The following CCBE1 variants were observed in gnomAD, a reference collection of about 807,000 sequenced individuals.
The protein encoded by CCBE1 is collagen and calcium binding EGF domains 1.
CCBE1 carries 37 observed loss-of-function variants against 50.0 expected under a neutral mutation model. The observed-to-expected ratio is 0.74, with a 90% CI of 0.57 to 0.97. CCBE1 has a LOEUF of 0.97. Among genes scored for constraint, CCBE1 ranks in the 50% least tolerant of loss-of-function variants. The pLI is 0.00. For missense variants in CCBE1, 538 were observed against 523.8 expected (o/e 1.03, Z -0.26); for synonymous variants, 234 against 203.7 (o/e 1.15, Z -1.27).
At chr18:59,448,613 C>T (rs571108912) in intron 6 of CCBE1, among the ~76,000 whole-genome samples, 1 of 152,248 alleles carries the variant, frequency 6.6e-6, no homozygotes, top group South Asian at 2.1e-4. Flanking sequence ...ACTGGGCAAT[C>T]GTGACTGTGG....
chr18:59,550,998 CAAA>C lies in CCBE1; in HGVS notation c.213-70763_213-70761del, dbSNP rs555160847. 2.1e-4 allele frequency among the ~76,000 whole-genome samples: 15 copies of C among 71,358 alleles called. 1 individual carries two copies. Among genetic ancestry groups the C allele is most frequent in the African/African-American group, 7.2e-4 (13 of 18,046 alleles). The allele number at this position is 71,358 out of a possible 152,430, so 46.8% of individuals were successfully genotyped here. On this transcript the variant is annotated intron_variant, in intron 2 of 10. Coordinates refer to ENST00000439986, the MANE Select transcript of CCBE1 (RefSeq NM_133459.4). ...CCAGCCTGGGCAACACAGCGAGACT[CAAA>C]AAAAAAAAAAAAAAAAAAAAAAAAA...
chr18:59,585,435 C>T (rs1302927444), intron 2 of CCBE1, among the ~76,000 whole-genome samples: 1 of 151,952 alleles, frequency 6.6e-6, no homozygotes, highest in Middle Eastern at 3.2e-3. Context: ...TCCTGTTGGG[C>T]TATCACTGAA....
intron 5 of CCBE1, among the ~76,000 whole-genome samples, chr18:59,465,259 CA>C (rs1555680336): frequency 2.0e-5 from 3 of 152,216 alleles, no homozygotes; most frequent in Non-Finnish European, 2.9e-5. Flanking sequence ...TTCACACATG[CA>C]TATGGTGGTA....
intron 2 of CCBE1, among the ~76,000 whole-genome samples, chr18:59,669,215 G>A (rs147291984): frequency 3.8e-4 from 58 of 152,114 alleles, no homozygotes; most frequent in Middle Eastern, 3.4e-3. Context: ...AGTATCCTCC[G>A]CCAGCCTTCC....
At chr18:59,680,731 CAA>C (rs2144729211) in intron 2 of CCBE1, among the ~76,000 whole-genome samples, 1 of 151,400 alleles carries the variant, frequency 6.6e-6, no homozygotes, top group Non-Finnish European at 1.5e-5. Context: ...CAAAACAAAA[CAA>C]AACAAAAATG....
rs574097456 is a variant in CCBE1, at chr18:59,665,208, C to G, written c.212+31421G>C. 2.6e-5 allele frequency among the ~76,000 whole-genome samples: 4 copies of G among 152,210 alleles called. No homozygotes were observed. The East Asian group carries it at 7.7e-4, about 29-fold the overall frequency. On this transcript the variant is annotated intron_variant, in intron 2 of 10. Transcript: ENST00000439986. ...AGACAAAAGCTCACGCAAGAGGATG[C>G]AGGCAAAAGTCTGTTTATGAGCTAA... is the stretch of plus-strand genomic sequence containing the variant.
intron 2 of CCBE1, among the ~76,000 whole-genome samples, chr18:59,589,204 T>G (rs1244674265): frequency 6.6e-6 from 1 of 152,196 alleles, no homozygotes; most frequent in African/African-American, 2.4e-5. Flanking sequence ...CTTCCTAGAT[T>G]GCCAATTCAC....
intron 2 of CCBE1, among the ~76,000 whole-genome samples, chr18:59,488,966 G>A (rs570891290): frequency 1.3e-5 from 2 of 152,240 alleles, no homozygotes; most frequent in South Asian, 4.1e-4. Context: ...ACTCCCACAG[G>A]CCTGGCTTGA....
At chr18:59,576,977 T>C (rs1054113302) in intron 2 of CCBE1, among the ~76,000 whole-genome samples, 4 of 152,228 alleles carry the variant, frequency 2.6e-5, no homozygotes, top group East Asian at 1.9e-4. Flanking sequence ...TGCCTATAAA[T>C]GCTCAGGACC....
intron 2 of CCBE1, among the ~76,000 whole-genome samples, chr18:59,563,106 C>T (rs568456531): frequency 6.6e-5 from 10 of 152,304 alleles, no homozygotes; most frequent in African/African-American, 2.4e-4. Context: ...CCTTACAACC[C>T]CACCAGGTGG....
chr18:59,475,728 A>T (rs7242765), intron 3 of CCBE1, among the ~76,000 whole-genome samples: 33 of 102,008 alleles, frequency 3.2e-4, no homozygotes, highest in Admixed American at 1.1e-3. Context: ...TTATTTATTT[A>T]TTTTTTTGAG....
chr18:59,557,967 C>T (rs1203289200), intron 2 of CCBE1, among the ~76,000 whole-genome samples: 2 of 152,178 alleles, frequency 1.3e-5, no homozygotes, highest in Non-Finnish European at 2.9e-5. Context: ...ACTATCATAA[C>T]CACTCCTGCA....
chr18:59,468,107 G>C (rs936664915), intron 4 of CCBE1, among the ~76,000 whole-genome samples: 1 of 152,228 alleles, frequency 6.6e-6, no homozygotes, highest in African/African-American at 2.4e-5. Flanking sequence ...AGAACAGGGG[G>C]CTGGGTGCGG....
rs184632190 is a variant in CCBE1 at position 59,457,972 on chromosome 18, C to A, written c.554-3021G>T. On this transcript the variant is annotated intron_variant, in intron 5 of 10. Coordinates refer to ENST00000439986, the MANE Select transcript of CCBE1 (RefSeq NM_133459.4). ...GACTGCAGGAAATGGTGGGCTCCTGCATGAAAAGATGACCCAGGCTCCAGG... is the reference window on the plus strand; with the variant it reads ...GACTGCAGGAAATGGTGGGCTCCTGAATGAAAAGATGACCCAGGCTCCAGG... Among the ~76,000 whole-genome samples, 26 of 152,332 alleles carry A rather than the reference C, an allele frequency of 1.7e-4. No individual in the cohort carries two copies. In the East Asian group the frequency reaches 4.2e-3, roughly 25 times the overall value.
At chr18:59,589,920 A>G (rs938949615) in intron 2 of CCBE1, among the ~76,000 whole-genome samples, 1 of 152,188 alleles carries the variant, frequency 6.6e-6, no homozygotes, top group Non-Finnish European at 1.5e-5. Flanking sequence ...TATTATTAGG[A>G]AAGAGAACCA....
intron 2 of CCBE1, among the ~76,000 whole-genome samples, chr18:59,641,093 T>C (rs969925103): frequency 6.6e-6 from 1 of 152,134 alleles, no homozygotes; most frequent in Non-Finnish European, 1.5e-5. Context: ...CTTTAAACAG[T>C]GACCCCTCAA....
chr18:59,586,390 G>A (rs2144523219), intron 2 of CCBE1, among the ~76,000 whole-genome samples: 1 of 152,338 alleles, frequency 6.6e-6, no homozygotes, highest in South Asian at 2.1e-4. Context: ...TCTGGAAATA[G>A]AAAAACATAA....
chr18:59,633,582 C>T (rs1195082857), intron 2 of CCBE1, among the ~76,000 whole-genome samples: 2 of 152,166 alleles, frequency 1.3e-5, no homozygotes, highest in Non-Finnish European at 2.9e-5. Flanking sequence ...CTCTGGATCC[C>T]TCACGCAGTT....
intron 2 of CCBE1, among the ~76,000 whole-genome samples, chr18:59,586,645 C>T (rs915215190): frequency 6.6e-6 from 1 of 152,192 alleles, no homozygotes; most frequent in Admixed American, 6.5e-5. Flanking sequence ...GCCAGCACTG[C>T]AAGGGAGCTC....
Sources: gnomAD v4.1 joint callset for allele counts (sites outside exome capture counted in the v4.1 genomes callset) on GRCh38, gnomAD v4.1.1 for gene constraint, MANE v1.5 for transcripts, NCBI Gene and HGNC (gene_info 2026-07-23, HGNC 2026-07-21) for gene names.